The following DSCAM variants were observed in gnomAD, a reference collection of about 807,000 sequenced individuals.
DSCAM encodes the protein cell adhesion molecule DSCAM.
A neutral mutation model predicts 217.7 loss-of-function variants in DSCAM; 47 were observed. The ratio of observed to expected loss-of-function variants is 0.22; its 90% CI spans 0.17 to 0.28. DSCAM has a LOEUF of 0.28. DSCAM is among the 10% of genes least tolerant of loss of function. The pLI, the probability that DSCAM is intolerant of heterozygous loss-of-function variation, is 1.00. For missense variants in DSCAM, 2,080 were observed against 2,618.3 expected (o/e 0.79, Z 4.49); for synonymous variants, 1,056 against 1,015.3 (o/e 1.04, Z -0.76).
At position 40,339,234 on chromosome 21, in the gene DSCAM, G is replaced by A. The variant is rs760948251; in HGVS notation, c.1392C>T (p.Asn464=). 4.3e-6 allele frequency: 7 copies of A among 1,614,028 alleles called. No individual in the cohort carries two copies. Among genetic ancestry groups the A allele is most frequent in the Admixed American group, 1.7e-5 (1 of 60,004 alleles). ...RISQMITSEG[N]VVSYLNISSS... is the part of the protein sequence containing the mutation. ...TGGAGATGTTCAGGTAGCTGACCAC[G>A]TTCCCCTCCGACGTGATCATCTGGC... The change falls in exon 7 of 33, where the codon AAC becomes AAT. Residue 464 remains asparagine (N), a synonymous_variant. Transcript: ENST00000400454.
chr21:40,789,605 G>C (rs1432915650), intron 1 of DSCAM, among the ~76,000 whole-genome samples: 2 of 149,088 alleles, frequency 1.3e-5, no homozygotes, highest in Admixed American at 6.7e-5. Flanking sequence ...GCCCAGGCTG[G>C]AGTGCAGTGG....
intron 3 of DSCAM, among the ~76,000 whole-genome samples, chr21:40,493,657 T>A (rs2076093793): frequency 6.6e-6 from 1 of 151,244 alleles, no homozygotes; most frequent in Non-Finnish European, 1.5e-5. Context: ...AGGTCAGGAG[T>A]TCGAGACCAG....
chr21:40,170,529 G>A (rs2090645438), intron 15 of DSCAM, among the ~76,000 whole-genome samples: 1 of 152,176 alleles, frequency 6.6e-6, no homozygotes, highest in South Asian at 2.1e-4. Context: ...CAGAACAGGA[G>A]CCGAGGGAGA....
rs77285211 is a variant in DSCAM, at chr21:40,370,255, TAA to T, written c.509-1012_509-1011del. Among the ~76,000 whole-genome samples the T allele has an allele frequency of 5.9e-4, 84 of 142,748 alleles. No homozygotes were observed. In the Middle Eastern group the frequency reaches 0.011, roughly 18 times the overall value. 93.6% of individuals were successfully genotyped at this position (142,748 alleles called of 152,430 possible). ...TAATAAAATTTCTGGTCTTTTACTT[TAA>T]AAAAAAAAAAAAAGTAGAGCTGAGA... On this transcript the variant is annotated intron_variant, in intron 3 of 32. Transcript: ENST00000400454.
At chr21:40,028,335 GAGGC>G (rs1319765120) in intron 32 of DSCAM, among the ~76,000 whole-genome samples, 2 of 115,452 alleles carry the variant, frequency 1.7e-5, no homozygotes, top group African/African-American at 3.4e-5. Context: ...GCAGCCTACA[GAGGC>G]AGGCAGGCAG....
At chr21:40,709,583 C>T (rs776993001) in intron 1 of DSCAM, among the ~76,000 whole-genome samples, 13 of 152,034 alleles carry the variant, frequency 8.6e-5, no homozygotes, top group African/African-American at 2.2e-4. Context: ...AGTGAGAACA[C>T]GCGGTGTTTG....
intron 3 of DSCAM, 161 bp from the exon 4 acceptor site, chr21:40,369,406 G>A (rs1333563109): frequency 2.6e-5 from 15 of 572,730 alleles, no homozygotes; most frequent in Admixed American, 1.4e-4. Context: ...GTGTGTGTGT[G>A]TGTGTGTGTG....
intron 23 of DSCAM, 37 bp from the exon 24 acceptor site, chr21:40,084,043 T>A (rs559907080): frequency 6.5e-7 from 1 of 1,537,014 alleles, no homozygotes; most frequent in African/African-American, 1.4e-5. Context: ...CAAGAATTAG[T>A]TTTTCACATC....
At chr21:40,129,593 C>T (rs938506522) in intron 19 of DSCAM, among the ~76,000 whole-genome samples, 3 of 152,172 alleles carry the variant, frequency 2.0e-5, no homozygotes, top group Non-Finnish European at 4.4e-5. Flanking sequence ...GTGTGGAAAG[C>T]CACATGGTAG....
intron 1 of DSCAM, among the ~76,000 whole-genome samples, chr21:40,845,351 CTGGCCTGT>C (rs1002244291): frequency 3.9e-5 from 6 of 152,176 alleles, no homozygotes; most frequent in Admixed American, 3.9e-4. Flanking sequence ...TGCATTTCTT[CTGGCCTGT>C]TGGTATGCTG....
Position 40,144,433 on chromosome 21 carries a change from A to C in DSCAM, c.3259+58T>G, listed in dbSNP as rs1334724097. On this transcript the variant is annotated intron_variant, in intron 17 of 32. Transcript: ENST00000400454. The surrounding 1 kb of genome is among the most constrained non-coding windows in gnomAD (Gnocchi z 4.8). ...TGCGAGGTTGGGGGAGCCCCGGGGC[A>C]GACCCGAGGGAACCTTTGCGGAGGG... is the stretch of plus-strand genomic sequence containing the variant. 3 of 1,599,926 alleles carry C rather than the reference A, an allele frequency of 1.9e-6. No individual in the cohort carries two copies. The highest frequency in any genetic ancestry group is 2.6e-6 in the Non-Finnish European group (3 of 1,171,486).
intron 17 of DSCAM, among the ~76,000 whole-genome samples, chr21:40,143,103 C>T (rs184528336): frequency 9.2e-4 from 140 of 152,228 alleles, no homozygotes; most frequent in African/African-American, 3.3e-3. Flanking sequence ...AGTACGGTAC[C>T]TCTGTATTTA....
At chr21:40,089,955 C>T (rs1173982506) in intron 21 of DSCAM, among the ~76,000 whole-genome samples, 2 of 152,192 alleles carry the variant, frequency 1.3e-5, no homozygotes, top group Non-Finnish European at 1.5e-5. Context: ...TCAGCACTCC[C>T]TGCTGGTCTT....
At position 40,029,875 on chromosome 21, in the gene DSCAM, G is replaced by A. The variant is rs150639086; in HGVS notation, c.5686+12496C>T. 5.5e-4 allele frequency among the ~76,000 whole-genome samples: 84 copies of A among 152,180 alleles called. No homozygotes were observed. The East Asian group carries it at 0.014, about 26-fold the overall frequency. ...TCAGGCAGCTGGGGTGCCAAGCCTC[G>A]GGGCTTGCATCTTCCTCCTCTGTTC... On this transcript the variant is annotated intron_variant, in intron 32 of 32. Coordinates refer to ENST00000400454, the MANE Select transcript of DSCAM (RefSeq NM_001389.5).
intron 3 of DSCAM, among the ~76,000 whole-genome samples, chr21:40,575,015 A>G (rs188683960): frequency 1.4e-5 from 2 of 144,508 alleles, no homozygotes; most frequent in Admixed American, 7.0e-5. Context: ...TGACCTTCAC[A>G]TACACACTCA....
intron 3 of DSCAM, among the ~76,000 whole-genome samples, chr21:40,513,510 C>T (rs1374113342): frequency 2.0e-5 from 3 of 152,252 alleles, no homozygotes; most frequent in African/African-American, 7.2e-5. Flanking sequence ...AGCTTCAAAT[C>T]ATGGTGGAAG....
intron 3 of DSCAM, among the ~76,000 whole-genome samples, chr21:40,567,003 G>A (rs911228159): frequency 5.3e-5 from 8 of 151,952 alleles, no homozygotes; most frequent in African/African-American, 1.9e-4. Context: ...CAAGCAGAAG[G>A]GGTGTAGGCA....
intron 6 of DSCAM, among the ~76,000 whole-genome samples, chr21:40,346,862 G>A (rs989078496): frequency 7.9e-5 from 12 of 152,142 alleles, no homozygotes; most frequent in Non-Finnish European, 4.4e-5. Context: ...TCAATCTGAA[G>A]TTGTACTTCT....
chr21:40,442,432 T>C (rs2145915442), intron 3 of DSCAM, among the ~76,000 whole-genome samples: 1 of 151,402 alleles, frequency 6.6e-6, no homozygotes, highest in South Asian at 2.1e-4. Context: ...ATCTGCTACC[T>C]TTTAATAATA....
Sources: gnomAD v4.1 joint callset for allele counts (sites outside exome capture counted in the v4.1 genomes callset) on GRCh38, gnomAD v4.1.1 for gene constraint, Gnocchi (gnomAD v3.1) non-coding constraint, MANE v1.5 for transcripts, NCBI Gene and HGNC (gene_info 2026-07-23, HGNC 2026-07-21) for gene names.